Variants in UNC13C observed in about 807,000 individuals in gnomAD.
The protein encoded by UNC13C is protein unc-13 homolog C.
In UNC13C, 174 loss-of-function variants were observed where a neutral mutation model predicts 245.4. The observed-to-expected ratio is 0.71, with a 90% CI of 0.63 to 0.80. The LOEUF (loss-of-function observed/expected upper bound fraction) is 0.80. Ranked by LOEUF, UNC13C falls within the 30% of genes least tolerant of loss-of-function variation. UNC13C has a pLI of 0.00. For missense variants in UNC13C, 2,829 were observed against 2,602.9 expected (o/e 1.09, Z -1.89); for synonymous variants, 992 against 895.1 (o/e 1.11, Z -1.93).
chr15:54,530,727 A>G (rs1895697916), intron 25 of UNC13C, among the ~76,000 whole-genome samples: 1 of 152,134 alleles, frequency 6.6e-6, no homozygotes. Flanking sequence ...GGAATATAAC[A>G]GTGGCCATGA....
At chr15:54,577,735 A>G (rs2553223) in intron 30 of UNC13C, among the ~76,000 whole-genome samples, 58,768 of 151,898 alleles carry the variant, frequency 0.39, 11,564 homozygotes, top group East Asian at 0.55. Context: ...TTCCCTTGTC[A>G]TTTCCCTAGA....
At chr15:54,140,405 A>T (rs997114170) in intron 2 of UNC13C, among the ~76,000 whole-genome samples, 2 of 152,240 alleles carry the variant, frequency 1.3e-5, no homozygotes, top group Admixed American at 6.5e-5. Context: ...AGTAAAAAAA[A>T]CAGAGAGAGA....
chr15:54,490,787 T>C (rs1893665374), intron 19 of UNC13C, among the ~76,000 whole-genome samples: 1 of 152,104 alleles, frequency 6.6e-6, no homozygotes, highest in Admixed American at 6.6e-5. Flanking sequence ...GTTACATAAT[T>C]TTGCGGACAT....
the UNC13C span, among the ~76,000 whole-genome samples, chr15:53,960,680 T>G: frequency 2.0e-5 from 3 of 152,170 alleles, no homozygotes; most frequent in African/African-American, 7.2e-5. Context: ...AGAGTGCTTT[T>G]GGAGGGTGGA....
intron 2 of UNC13C, among the ~76,000 whole-genome samples, chr15:54,106,727 G>T (rs1459676922): frequency 2.6e-5 from 4 of 152,084 alleles, no homozygotes; most frequent in African/African-American, 9.7e-5. Context: ...ACATTTAATA[G>T]ATACCTACTA....
chr15:54,292,591 A>T (rs1596157921), intron 10 of UNC13C, among the ~76,000 whole-genome samples: 1 of 151,928 alleles, frequency 6.6e-6, no homozygotes, highest in East Asian at 1.9e-4. Context: ...TACTTTTTGC[A>T]CCATGAACCT....
At chr15:54,359,163 C>T (rs1459704742) in intron 17 of UNC13C, among the ~76,000 whole-genome samples, 1 of 151,756 alleles carries the variant, frequency 6.6e-6, no homozygotes, top group Admixed American at 6.6e-5. Context: ...TCCTTGTATT[C>T]CTGGCATGAT....
intron 30 of UNC13C, among the ~76,000 whole-genome samples, chr15:54,601,961 A>G (rs561934859): frequency 5.3e-5 from 8 of 152,026 alleles, no homozygotes; most frequent in Non-Finnish European, 1.2e-4. Flanking sequence ...CAATGGGAGG[A>G]TTGACTTGCA....
At chr15:54,047,338 A>G (rs954875670) in intron 2 of UNC13C, among the ~76,000 whole-genome samples, 2 of 152,022 alleles carry the variant, frequency 1.3e-5, no homozygotes, top group African/African-American at 2.4e-5. Flanking sequence ...TTGAGCAACC[A>G]TCATTACCAT....
In UNC13C at chr15:54,162,675, C is replaced by A. The variant is rs150206209; in HGVS notation, c.3071+18991C>A. ...AGTGAGAAAGATTTCCTGGAACTTT[C>A]TCCATCTCCTTCCATTGCATACAAT... On this transcript the variant is annotated intron_variant, in intron 4 of 32. Coordinates refer to ENST00000260323, the MANE Select transcript of UNC13C (RefSeq NM_001080534.3). 5.3e-3 allele frequency among the ~76,000 whole-genome samples: 807 copies of A among 152,274 alleles called. 11 individuals are homozygous for A. Among genetic ancestry groups the A allele is most frequent in the African/African-American group, 0.019 (779 of 41,548 alleles).
the UNC13C span, among the ~76,000 whole-genome samples, chr15:53,945,893 T>C: frequency 3.9e-5 from 6 of 152,204 alleles, no homozygotes; most frequent in Non-Finnish European, 8.8e-5. Context: ...GGAATGTTTT[T>C]CCATTTGTTT....
intron 17 of UNC13C, among the ~76,000 whole-genome samples, chr15:54,356,363 T>A (rs946867369): frequency 7.9e-5 from 12 of 151,798 alleles, no homozygotes; most frequent in Non-Finnish European, 1.6e-4. Flanking sequence ...CTAAAAGTGT[T>A]TTTTTTTTCC....
intron 17 of UNC13C, among the ~76,000 whole-genome samples, chr15:54,341,033 G>A (rs1355194682): frequency 3.9e-5 from 6 of 152,202 alleles, no homozygotes; most frequent in African/African-American, 1.4e-4. Context: ...CAGTCACTGT[G>A]GAAGGCAGTA....
intron 30 of UNC13C, among the ~76,000 whole-genome samples, chr15:54,588,849 G>GTA (rs1398975741): frequency 2.0e-5 from 3 of 152,070 alleles, no homozygotes; most frequent in Non-Finnish European, 4.4e-5. Flanking sequence ...GTATTCCATT[G>GTA]TATATATATA....
At chr15:54,227,594 C>T (rs535664759) in intron 4 of UNC13C, among the ~76,000 whole-genome samples, 2 of 152,210 alleles carry the variant, frequency 1.3e-5, no homozygotes, top group East Asian at 3.9e-4. Flanking sequence ...AGTGCACACA[C>T]ACCAGCCAAG....
At chr15:54,594,838 C>T (rs994173782) in intron 30 of UNC13C, among the ~76,000 whole-genome samples, 8 of 152,150 alleles carry the variant, frequency 5.3e-5, no homozygotes, top group African/African-American at 1.2e-4. Flanking sequence ...GTGGGTACCC[C>T]GAGTCCAGAA....
At chr15:53,995,395 C>CA (rs1159174369) in intron 1 of UNC13C, among the ~76,000 whole-genome samples, 1 of 152,066 alleles carries the variant, frequency 6.6e-6, no homozygotes, top group Non-Finnish European at 1.5e-5. Flanking sequence ...GAAAAAAAGG[C>CA]AGCCCCTCCC....
intron 19 of UNC13C, among the ~76,000 whole-genome samples, chr15:54,442,797 G>C (rs887513263): frequency 8.6e-5 from 13 of 152,034 alleles, no homozygotes; most frequent in Non-Finnish European, 1.5e-4. Flanking sequence ...TCTTTGTGAT[G>C]TGCTGTTGGA....
intron 4 of UNC13C, among the ~76,000 whole-genome samples, chr15:54,152,864 A>T (rs2032582207): frequency 6.6e-6 from 1 of 152,146 alleles, no homozygotes; most frequent in South Asian, 2.1e-4. Flanking sequence ...AGAGAAAAAA[A>T]AAAGAGGAAC....
Sources: gnomAD v4.1 joint callset for allele counts (sites outside exome capture counted in the v4.1 genomes callset) on GRCh38, gnomAD v4.1.1 for gene constraint, MANE v1.5 for transcripts, NCBI Gene and HGNC (gene_info 2026-07-23, HGNC 2026-07-21) for gene names.